The following CTNNA3 variants were observed in gnomAD, a reference collection of about 807,000 sequenced individuals.
CTNNA3 encodes the protein catenin alpha-3.
In CTNNA3, 76 loss-of-function variants were observed where a neutral mutation model predicts 95.7. The observed-to-expected ratio is 0.79, with a 90% CI of 0.66 to 0.96. CTNNA3 has a LOEUF of 0.96. Ranked by LOEUF, CTNNA3 falls within the 40% of genes least tolerant of loss-of-function variation. CTNNA3 has a pLI of 0.00. For missense variants in CTNNA3, 1,191 were observed against 1,089.8 expected, an observed-to-expected ratio of 1.09 and a Z score of -1.31; for synonymous variants, 431 against 374.4, an observed-to-expected ratio of 1.15 and a Z score of -1.74.
At chr10:67,098,654 C>G (rs1390509778) in intron 7 of CTNNA3, 1 of 152,242 alleles carries the variant, frequency 6.6e-6, no homozygotes, top group Non-Finnish European at 1.5e-5. Context: ...GACAAAACAT[C>G]ACTGGAAACA....
chr10:66,539,805 T>C (rs973239474), intron 10 of CTNNA3, among the ~76,000 whole-genome samples: 2 of 152,158 alleles, frequency 1.3e-5, no homozygotes, highest in Admixed American at 6.5e-5. Context: ...TTGTTAGACA[T>C]GCAGAATCTC....
rs377169823 is a variant in CTNNA3 at position 66,507,258 on chromosome 10, G to C, written c.1531+13359C>G. Among the ~76,000 whole-genome samples, 13 of 151,886 alleles carry C rather than the reference G, an allele frequency of 8.6e-5. No homozygotes were observed. The South Asian group carries it at 1.7e-3, about 19-fold the overall frequency. On this transcript the variant is annotated intron_variant, in intron 11 of 17. Transcript: ENST00000433211. ...ATAATAAGTGAAACATATTTATGGG[G>C]TACCAAGTGACAGATACATGTATAC...
intron 9 of CTNNA3, among the ~76,000 whole-genome samples, chr10:66,636,228 T>C (rs1845332881): frequency 1.3e-5 from 2 of 152,034 alleles, no homozygotes. Context: ...TAGCTAATTA[T>C]GTAATATAGA....
chr10:66,966,001 T>A (rs879372988), intron 7 of CTNNA3, among the ~76,000 whole-genome samples: 4 of 152,186 alleles, frequency 2.6e-5, no homozygotes, highest in Non-Finnish European at 4.4e-5. Context: ...AAAGGCAGTG[T>A]ATAGAACTGT....
chr10:67,691,925 C>A (rs1186884510), intron 1 of CTNNA3, among the ~76,000 whole-genome samples: 1 of 149,168 alleles, frequency 6.7e-6, no homozygotes, highest in African/African-American at 2.5e-5. Flanking sequence ...CCACCCCGTC[C>A]GGGAGGGAGG....
At chr10:66,542,576 A>G (rs1841893723) in intron 10 of CTNNA3, among the ~76,000 whole-genome samples, 3 of 152,158 alleles carry the variant, frequency 2.0e-5, no homozygotes, top group African/African-American at 7.2e-5. Flanking sequence ...TGATGAGTTC[A>G]TGTCCTTTGT....
At chr10:66,405,517 C>T in intron 11 of CTNNA3, among the ~76,000 whole-genome samples, 1 of 152,078 alleles carries the variant, frequency 6.6e-6, no homozygotes, top group Non-Finnish European at 1.5e-5. Flanking sequence ...CACTGACCCC[C>T]ATCATTGCCA....
chr10:66,136,822 T>C (rs1263387875), intron 13 of CTNNA3, among the ~76,000 whole-genome samples: 1 of 151,886 alleles, frequency 6.6e-6, no homozygotes, highest in Non-Finnish European at 1.5e-5. Flanking sequence ...ATTTGTGAGT[T>C]CACATAATTT....
chr10:66,210,376 C>G (rs1401247275), intron 13 of CTNNA3, among the ~76,000 whole-genome samples: 1 of 151,176 alleles, frequency 6.6e-6, no homozygotes, highest in African/African-American at 2.4e-5. Flanking sequence ...AATTGCACAT[C>G]AATTGAGTCC....
chr10:67,187,721 A>C (rs1443322065), intron 6 of CTNNA3, among the ~76,000 whole-genome samples: 2 of 151,936 alleles, frequency 1.3e-5, no homozygotes, highest in East Asian at 3.9e-4. Context: ...CAGTAACTGG[A>C]ATCACAGGTG....
intron 11 of CTNNA3, among the ~76,000 whole-genome samples, chr10:66,508,035 T>C (rs1840513641): frequency 6.6e-6 from 1 of 152,094 alleles, no homozygotes; most frequent in African/African-American, 2.4e-5. Context: ...TCATTTCCTT[T>C]CATTTAGATT....
intron 5 of CTNNA3, among the ~76,000 whole-genome samples, chr10:67,257,430 C>A (rs79717643): frequency 6.6e-6 from 1 of 152,198 alleles, no homozygotes; most frequent in East Asian, 1.9e-4. Context: ...TATACCTGAG[C>A]AGTGTTCTTG....
intron 7 of CTNNA3, chr10:67,097,592 T>A (rs199586433): frequency 1.9e-4 from 314 of 1,612,040 alleles, no homozygotes; most frequent in Non-Finnish European, 6.3e-5. Context: ...CCCAGATACC[T>A]TTATCAATGA....
intron 12 of CTNNA3, among the ~76,000 whole-genome samples, chr10:66,319,066 A>G (rs990931988): frequency 1.3e-5 from 2 of 152,112 alleles, no homozygotes. Flanking sequence ...AGGTTTGAAT[A>G]TAAATCCACT....
intron 15 of CTNNA3, among the ~76,000 whole-genome samples, chr10:66,043,842 C>G (rs993659561): frequency 6.6e-6 from 1 of 152,120 alleles, no homozygotes; most frequent in Non-Finnish European, 1.5e-5. Context: ...GGCAAACTGA[C>G]GCTCCTGAAA....
intron 15 of CTNNA3, among the ~76,000 whole-genome samples, chr10:66,064,009 A>G (rs1019996392): frequency 6.6e-6 from 1 of 152,134 alleles, no homozygotes. Flanking sequence ...TCACACTACT[A>G]TAAAGAATTG....
At chr10:66,913,232 C>G (rs1302495554) in intron 7 of CTNNA3, among the ~76,000 whole-genome samples, 1 of 70,804 alleles carries the variant, frequency 1.4e-5, no homozygotes, top group African/African-American at 5.7e-5. Flanking sequence ...GAGCGAGACT[C>G]CGTCTCAAAA....
intron 5 of CTNNA3, among the ~76,000 whole-genome samples, chr10:67,263,191 G>T (rs139269944): frequency 6.6e-6 from 1 of 152,252 alleles, no homozygotes; most frequent in South Asian, 2.1e-4. Flanking sequence ...TTTTACAAAT[G>T]AGTTCTTGTT....
intron 5 of CTNNA3, among the ~76,000 whole-genome samples, chr10:67,295,096 G>A (rs1028848329): frequency 1.3e-4 from 20 of 152,146 alleles, no homozygotes; most frequent in African/African-American, 4.8e-4. Context: ...CAGTAGAATG[G>A]AATTTCTGTA....
Sources: gnomAD v4.1 joint callset for allele counts (sites outside exome capture counted in the v4.1 genomes callset) on GRCh38, gnomAD v4.1.1 for gene constraint, MANE v1.5 for transcripts, NCBI Gene and HGNC (gene_info 2026-07-23, HGNC 2026-07-21) for gene names.